NPAS3: variants seen among roughly 807,000 people sequenced by gnomAD.
NPAS3 encodes neuronal PAS domain-containing protein 3.
In NPAS3, 14 loss-of-function variants were observed where a neutral mutation model predicts 73.1. The ratio of observed to expected loss-of-function variants is 0.19; its 90% CI spans 0.13 to 0.30. The LOEUF (loss-of-function observed/expected upper bound fraction) is 0.30, where lower values mean the gene tolerates loss of function less well. Among genes scored for constraint, NPAS3 ranks in the 10% least tolerant of loss-of-function variants. The pLI, the probability that NPAS3 is intolerant of heterozygous loss-of-function variation, is 1.00. For synonymous variants in NPAS3, 620 were observed against 541.5 expected, an observed-to-expected ratio of 1.14 and a Z score of -2.01; for missense variants, 1,096 against 1,250.0, an observed-to-expected ratio of 0.88 and a Z score of 1.86.
intron 4 of NPAS3, among the ~76,000 whole-genome samples, chr14:33,447,428 G>A (rs1044012805): frequency 3.9e-5 from 6 of 152,104 alleles, no homozygotes; most frequent in South Asian, 2.1e-4. Flanking sequence ...GAAGAGTGCC[G>A]GCATAACATG....
chr14:33,642,776 C>T (rs1199488780), intron 5 of NPAS3, among the ~76,000 whole-genome samples: 1 of 152,084 alleles, frequency 6.6e-6, no homozygotes, highest in Non-Finnish European at 1.5e-5. Flanking sequence ...GTCAGAGAAG[C>T]CTGGCTGAAC....
intron 3 of NPAS3, among the ~76,000 whole-genome samples, chr14:33,360,903 A>T (rs2045569009): frequency 6.6e-6 from 1 of 152,014 alleles, no homozygotes; most frequent in South Asian, 2.1e-4. Flanking sequence ...GTCCTCCGAG[A>T]CGTTGACTGT....
intron 2 of NPAS3, among the ~76,000 whole-genome samples, chr14:33,075,744 T>A (rs2138680250): frequency 6.6e-6 from 1 of 152,352 alleles, no homozygotes; most frequent in East Asian, 1.9e-4. Context: ...GATAGTCATA[T>A]AATGAATTTT....
intron 5 of NPAS3, among the ~76,000 whole-genome samples, chr14:33,649,311 G>A (rs957120989): frequency 2.0e-5 from 3 of 152,192 alleles, no homozygotes; most frequent in Non-Finnish European, 2.9e-5. Context: ...TCAAAAAGAC[G>A]GTTTCACCCT....
At chr14:33,383,401 A>C (rs929299342) in intron 4 of NPAS3, among the ~76,000 whole-genome samples, 1 of 152,158 alleles carries the variant, frequency 6.6e-6, no homozygotes, top group African/African-American at 2.4e-5. Context: ...CAGTGATAGT[A>C]ACTGATTTCA....
chr14:33,514,207 TG>T (rs981669853), intron 4 of NPAS3, among the ~76,000 whole-genome samples: 1 of 151,976 alleles, frequency 6.6e-6, no homozygotes, highest in African/African-American at 2.4e-5. Flanking sequence ...AGTCTGAAGG[TG>T]TGCAGAGGCA....
At chr14:33,232,947 C>G (rs1437924963) in intron 3 of NPAS3, among the ~76,000 whole-genome samples, 1 of 152,224 alleles carries the variant, frequency 6.6e-6, no homozygotes, top group South Asian at 2.1e-4. Context: ...GAAAACTGCC[C>G]ATTGCATTGT....
intron 3 of NPAS3, among the ~76,000 whole-genome samples, chr14:33,277,353 A>T (rs1450004193): frequency 6.6e-6 from 1 of 152,104 alleles, no homozygotes. Context: ...TCTGAGTTTC[A>T]ATTATTTATT....
intron 3 of NPAS3, among the ~76,000 whole-genome samples, chr14:33,248,609 T>G (rs2048471395): frequency 6.6e-6 from 1 of 152,158 alleles, no homozygotes; most frequent in Non-Finnish European, 1.5e-5. Flanking sequence ...GATTGGAGAT[T>G]AAAAATCTCT....
chr14:33,473,771 T>C (rs1051590973), intron 4 of NPAS3, among the ~76,000 whole-genome samples: 1 of 152,186 alleles, frequency 6.6e-6, no homozygotes, highest in African/African-American at 2.4e-5. Context: ...TTATGCAGTT[T>C]AGCTTGCTGC....
At chr14:32,984,064 G>T (rs1216493587) in intron 1 of NPAS3, among the ~76,000 whole-genome samples, 2 of 152,158 alleles carry the variant, frequency 1.3e-5, no homozygotes, top group Non-Finnish European at 2.9e-5. Flanking sequence ...TTATTTAGAA[G>T]AGAAGTCATT....
At chr14:33,359,687 T>C (rs1265044233) in intron 3 of NPAS3, among the ~76,000 whole-genome samples, 2 of 152,210 alleles carry the variant, frequency 1.3e-5, no homozygotes, top group East Asian at 3.8e-4. Flanking sequence ...TTAGTGTATT[T>C]GTAGGGAAGA....
chr14:33,088,144 A>G (rs1298222174), intron 2 of NPAS3, among the ~76,000 whole-genome samples: 4 of 152,170 alleles, frequency 2.6e-5, no homozygotes, highest in African/African-American at 7.2e-5. Flanking sequence ...TGCATTTCCA[A>G]CTGAGGTACT....
At chr14:33,127,393 T>C (rs2043465757) in intron 2 of NPAS3, among the ~76,000 whole-genome samples, 1 of 152,184 alleles carries the variant, frequency 6.6e-6, no homozygotes, top group Non-Finnish European at 1.5e-5. Context: ...TGTCCTTATT[T>C]TACCTTTAAT....
At chr14:32,978,660 T>C (rs2037784069) in intron 1 of NPAS3, among the ~76,000 whole-genome samples, 1 of 152,206 alleles carries the variant, frequency 6.6e-6, no homozygotes, top group African/African-American at 2.4e-5. Context: ...CGTTTTATTT[T>C]CACTGAGGAA....
intron 3 of NPAS3, among the ~76,000 whole-genome samples, chr14:33,358,254 A>C (rs1450516457): frequency 6.6e-6 from 1 of 152,016 alleles, no homozygotes; most frequent in African/African-American, 2.4e-5. Context: ...AGGGGGAGAG[A>C]GAATTGTAAA....
intron 2 of NPAS3, among the ~76,000 whole-genome samples, chr14:33,115,724 T>C (rs1370318477): frequency 1.3e-5 from 2 of 152,176 alleles, no homozygotes; most frequent in Non-Finnish European, 2.9e-5. Context: ...CTTGGTCATA[T>C]ATGCAATCCA....
At chr14:33,708,967 G>A (rs1322488235) in intron 6 of NPAS3, among the ~76,000 whole-genome samples, 1 of 152,172 alleles carries the variant, frequency 6.6e-6, no homozygotes, top group Non-Finnish European at 1.5e-5. Context: ...CATTTGCAAA[G>A]TAAGGACAAG....
At chr14:33,416,931 GA>G (rs1046308258) in intron 4 of NPAS3, among the ~76,000 whole-genome samples, 3 of 151,812 alleles carry the variant, frequency 2.0e-5, no homozygotes, top group African/African-American at 7.3e-5. Context: ...TTTCTGGGGA[GA>G]AAAAAACAAT....
Sources: allele counts gnomAD v4.1 joint callset (sites outside exome capture counted in the v4.1 genomes callset), GRCh38; gene constraint gnomAD v4.1.1; transcripts MANE v1.5; gene names NCBI Gene and HGNC (gene_info 2026-07-23, HGNC 2026-07-21).